The following ZYG11B variants were observed in gnomAD, a reference collection of about 807,000 sequenced individuals.
ZYG11B encodes zyg-11 family member B, cell cycle regulator, also known as protein zyg-11 homolog B.
A neutral mutation model predicts 82.4 loss-of-function variants in ZYG11B; 36 were observed. The observed-to-expected ratio is 0.44, with a 90% CI of 0.33 to 0.58. The LOEUF (loss-of-function observed/expected upper bound fraction) is 0.58. Among genes scored for constraint, ZYG11B ranks in the 20% least tolerant of loss-of-function variants. ZYG11B has a pLI of 0.02. For missense variants in ZYG11B, 552 were observed against 895.6 expected (o/e 0.62, Z 4.90); for synonymous variants, 303 against 312.8 (o/e 0.97, Z 0.33).
intron 12 of ZYG11B, 89 bp from the exon 13 acceptor site, chr1:52,816,443 T>A: frequency 1.2e-6 from 1 of 852,842 alleles, no homozygotes; most frequent in East Asian, 2.4e-5. Context: ...AGGATAAAAT[T>A]TTGAAAATGA....
chr1:52,817,775 GTGTATATA>G (rs1430393614), intron 13 of ZYG11B, among the ~76,000 whole-genome samples: 726 of 32,530 alleles, frequency 0.022, 46 homozygotes, highest in East Asian at 0.07. Flanking sequence ...GTATATATAT[GTGTATATA>G]TATATATATA....
intron 5 of ZYG11B, 98 bp from the exon 6 acceptor site, chr1:52,789,905 C>A (rs1459716982): frequency 6.3e-6 from 5 of 793,700 alleles, no homozygotes; most frequent in Non-Finnish European, 9.4e-6. Flanking sequence ...GGTGTTTCAT[C>A]AGTCTTCTTC....
intron 2 of ZYG11B, among the ~76,000 whole-genome samples, chr1:52,769,325 T>G (rs931992151): frequency 2.0e-5 from 3 of 152,056 alleles, no homozygotes; most frequent in Non-Finnish European, 4.4e-5. Context: ...CATAAAAAAA[T>G]AAAAAGAAAA....
rs1026423551 is a variant in ZYG11B, at chr1:52,739,092, A to G, written c.30+12409A>G. 6.1e-5 allele frequency among the ~76,000 whole-genome samples: 9 copies of G among 146,804 alleles called. No individual in the cohort carries two copies. The South Asian group carries it at 1.1e-3, about 18-fold the overall frequency. On this transcript the variant is annotated intron_variant, in intron 1 of 13. Coordinates refer to ENST00000294353, the MANE Select transcript of ZYG11B (RefSeq NM_024646.3). ...CACCTCCGCCTCCCGGGGTCAAGCG[A>G]TTCTCCTGCCTCAGCCCCCGAGTGG...
chr1:52,777,113 G>A (rs771432626), intron 3 of ZYG11B, among the ~76,000 whole-genome samples: 121 of 152,080 alleles, frequency 8.0e-4, no homozygotes, highest in Non-Finnish European at 1.4e-3. Context: ...AGGAGGCTGA[G>A]GCATGACAAT....
Position 52,785,656 on chromosome 1 carries a change from C to T in ZYG11B, c.1269+603C>T, listed in dbSNP as rs141581928. Among the ~76,000 whole-genome samples the T allele has an allele frequency of 1.6e-3, 236 of 152,234 alleles. 2 individuals are homozygous for T. Among genetic ancestry groups the T allele is most frequent in the African/African-American group, 5.4e-3 (223 of 41,552 alleles). ...ATTCTTAGTAGAGACAAGGTTTCAA[C>T]ATGTTGGTGAGGATAGTCTCCATCT... On this transcript the variant is annotated intron_variant, in intron 5 of 13. Coordinates refer to ENST00000294353, the MANE Select transcript of ZYG11B (RefSeq NM_024646.3).
chr1:52,811,049 A>AGAG (rs139193305), intron 10 of ZYG11B, among the ~76,000 whole-genome samples: 13 of 47,360 alleles, frequency 2.7e-4, no homozygotes, highest in African/African-American at 5.8e-4. Flanking sequence ...AAAAAAAAAA[A>AGAG]AAAGAGAAAT....
In ZYG11B at chr1:52,796,302, G is replaced by T. The variant is rs763728494; in HGVS notation, c.1345G>T (p.Ala449Ser). The change falls in exon 7 of 14, where the codon GCC (alanine) becomes TCC (serine). Residue 449 changes from alanine to serine, a missense_variant. Physicochemically the swap from Ala to Ser is moderately conservative, Grantham distance 99 (BLOSUM62 1). This residue lies in a region of ZYG11B where 359 missense variants were observed against 555.8 expected (regional missense o/e 0.65). Coordinates refer to ENST00000294353, the MANE Select transcript of ZYG11B (RefSeq NM_024646.3). ...QDVPFNRFEA[A>S]KLVMQWLCNH... ...TTTTTGTGTTTTCAGGTTTGAAGCA[G>T]CCAAGCTTGTCATGCAGTGGCTTTG... The T allele has an allele frequency of 5.0e-6, 8 of 1,613,536 alleles. No homozygotes were observed. The highest frequency in any genetic ancestry group is 2.2e-5 in the South Asian group (2 of 90,996).
At chr1:52,745,037 A>G (rs1449580382) in intron 1 of ZYG11B, among the ~76,000 whole-genome samples, 12 of 152,230 alleles carry the variant, frequency 7.9e-5, no homozygotes, top group Admixed American at 7.9e-4. Flanking sequence ...TCTTATAATT[A>G]ACCAAAACAT....
intron 12 of ZYG11B, among the ~76,000 whole-genome samples, chr1:52,814,715 A>T (rs1558144312): frequency 1.3e-5 from 2 of 152,068 alleles, no homozygotes. Context: ...ACACACACAC[A>T]CACACACACA....
chr1:52,787,923 C>T (rs1467474480), intron 5 of ZYG11B, among the ~76,000 whole-genome samples: 1 of 152,018 alleles, frequency 6.6e-6, no homozygotes, highest in Non-Finnish European at 1.5e-5. Context: ...ATTCTGCTGG[C>T]TGGATTGGTG....
In ZYG11B at chr1:52,756,624, G is replaced by T; in HGVS notation, c.196+1G>T. 1.3e-6 allele frequency: 2 copies of T among 1,594,912 alleles called. No individual in the cohort carries two copies. The highest frequency in any genetic ancestry group is 1.7e-6 in the Non-Finnish European group (2 of 1,169,572). On this transcript the variant is annotated splice_donor_variant, in intron 2 of 13. Coordinates refer to ENST00000294353, the MANE Select transcript of ZYG11B (RefSeq NM_024646.3). LOFTEE classifies it high-confidence loss of function. The stretch of plus-strand genomic sequence containing the variant: ...CTGCTTCGGACCATGGCTTTTCATG[G>T]TAAAAAAATAAACAGAGGAAACAAA...
intron 5 of ZYG11B, among the ~76,000 whole-genome samples, chr1:52,789,382 A>G (rs1160387205): frequency 6.6e-6 from 1 of 152,168 alleles, no homozygotes; most frequent in Non-Finnish European, 1.5e-5. Flanking sequence ...TTTTAGTAGT[A>G]TATACACTGT....
At chr1:52,786,713 C>A (rs970993049) in intron 5 of ZYG11B, among the ~76,000 whole-genome samples, 1 of 152,140 alleles carries the variant, frequency 6.6e-6, no homozygotes, top group African/African-American at 2.4e-5. Context: ...GCCAGGCACT[C>A]AAGGCTGCCA....
intron 1 of ZYG11B, among the ~76,000 whole-genome samples, chr1:52,734,027 C>T (rs1377412980): frequency 2.0e-5 from 3 of 152,008 alleles, no homozygotes; most frequent in Non-Finnish European, 2.9e-5. Flanking sequence ...GTGACAGGGT[C>T]TTGCTCTGTG....
chr1:52,755,379 C>G (rs552097653), intron 1 of ZYG11B, among the ~76,000 whole-genome samples: 1 of 152,262 alleles, frequency 6.6e-6, no homozygotes, highest in East Asian at 1.9e-4. Flanking sequence ...TATCCTTATG[C>G]TGGTGCCATA....
Position 52,801,997 on chromosome 1 carries a change from A to G in ZYG11B, c.1647+17A>G. The stretch of plus-strand genomic sequence containing the variant: ...GTTCTAGAGGTTAGAATGGGAATTT[A>G]GCTTACAGTTTTGATATTTATTAAT... On this transcript the variant is annotated intron_variant, in intron 9 of 13. Coordinates refer to ENST00000294353, the MANE Select transcript of ZYG11B (RefSeq NM_024646.3). 6.3e-7 allele frequency: 1 copy of G among 1,593,428 alleles called. No individual in the cohort carries two copies. The highest frequency in any genetic ancestry group is 8.5e-7 in the Non-Finnish European group (1 of 1,174,000).
Position 52,798,103 on chromosome 1 carries a change from A to C in ZYG11B, c.1485+1319A>C, listed in dbSNP as rs899234305. Among the ~76,000 whole-genome samples the C allele has an allele frequency of 2.6e-5, 4 of 152,120 alleles. No homozygotes were observed. The East Asian group carries it at 7.8e-4, about 30-fold the overall frequency. The stretch of plus-strand genomic sequence containing the variant: ...ATGTCACTGCACTCCAGCCTGGGTG[A>C]TGGAGTGAGACCCGTTCTCAAAACA... On this transcript the variant is annotated intron_variant, in intron 8 of 13. Transcript: ENST00000294353.
intron 10 of ZYG11B, among the ~76,000 whole-genome samples, chr1:52,807,577 G>A (rs1645151775): frequency 6.8e-6 from 1 of 146,448 alleles, no homozygotes; most frequent in African/African-American, 2.5e-5. Flanking sequence ...CTGCAGCCTC[G>A]ACCTCCTGGG....
Sources: allele counts gnomAD v4.1 joint callset (sites outside exome capture counted in the v4.1 genomes callset), GRCh38; gene constraint gnomAD v4.1.1; regional missense constraint gnomAD v4.1.1; transcripts MANE v1.5; gene names NCBI Gene and HGNC (gene_info 2026-07-23, HGNC 2026-07-21).